Variants in AGL observed in about 807,000 individuals in gnomAD.
AGL encodes the protein glycogen debranching enzyme.
Under a neutral mutation model 199.3 loss-of-function variants are expected in AGL, and 128 were observed. The ratio of observed to expected loss-of-function variants is 0.64; its 90% confidence interval spans 0.56 to 0.74. The LOEUF is 0.74. Ranked by LOEUF, AGL falls within the 30% of genes least tolerant of loss-of-function variation. AGL has a pLI of 0.00. For synonymous variants in AGL, 584 were observed against 594.7 expected (o/e 0.98, Z 0.26); for missense variants, 1,809 against 1,820.8 (o/e 0.99, Z 0.12).
intron 28 of AGL, among the ~76,000 whole-genome samples, chr1:99,911,427 G>C (rs1297307542): frequency 6.6e-6 from 1 of 152,032 alleles, no homozygotes; most frequent in Non-Finnish European, 1.5e-5. Flanking sequence ...ATTAAGCTGA[G>C]AAGTTATTTT....
At chr1:99,854,775 AAAAG>A (rs1571212636) in intron 2 of AGL, among the ~76,000 whole-genome samples, 1 of 152,086 alleles carries the variant, frequency 6.6e-6, no homozygotes, top group East Asian at 1.9e-4. Flanking sequence ...AAAAAAAAAA[AAAAG>A]ATAATTTGAA....
intron 2 of AGL, among the ~76,000 whole-genome samples, chr1:99,854,500 C>T (rs920708932): frequency 5.3e-5 from 8 of 152,122 alleles, no homozygotes; most frequent in East Asian, 1.9e-4. Flanking sequence ...CGGTGGCTCA[C>T]GCCTGTAATC....
chr1:99,858,897 A>G (rs1161550866), intron 2 of AGL, among the ~76,000 whole-genome samples: 1 of 151,878 alleles, frequency 6.6e-6, no homozygotes, highest in Admixed American at 6.6e-5. Context: ...AATTTACATA[A>G]TCTATGAGAA....
intron 25 of AGL, among the ~76,000 whole-genome samples, chr1:99,897,753 A>C (rs970416663): frequency 3.3e-5 from 5 of 152,208 alleles, no homozygotes; most frequent in African/African-American, 1.2e-4. Context: ...TCCTGGTTCC[A>C]AACTACCAAC....
chr1:99,875,407 A>C lies in AGL; in HGVS notation c.1235A>C (p.His412Pro). The C allele has an allele frequency of 6.2e-7, 1 of 1,614,168 alleles. No homozygotes were observed. Among genetic ancestry groups the C allele is most frequent in the Non-Finnish European group, 8.5e-7 (1 of 1,180,010 alleles). The change falls in exon 10 of 34, where the codon CAT (histidine) becomes CCT (proline). Residue 412 changes from histidine (H) to proline (P), a missense_variant. Physicochemically the swap from His to Pro is moderately conservative, Grantham distance 77. Transcript: ENST00000361915. ...GNVFYERLAG[H>P]GPKLGPVTRK... ...GTGTTTTATGAACGACTGGCTGGCC[A>C]TGGTCCAAAACTAGGACCTGTCACT...
chr1:99,904,407 C>T (rs1040480445), intron 27 of AGL, among the ~76,000 whole-genome samples: 1 of 152,088 alleles, frequency 6.6e-6, no homozygotes, highest in Admixed American at 6.5e-5. Context: ...AACTCTTCAC[C>T]CAGTACAGCA....
chr1:99,918,202 G>A (rs1570521101), intron 33 of AGL, among the ~76,000 whole-genome samples: 1 of 152,024 alleles, frequency 6.6e-6, no homozygotes. Flanking sequence ...ATACTTTAAG[G>A]TGGTTACATT....
Position 99,918,133 on chromosome 1 carries a change from T to G in AGL, c.4481+1402T>G, listed in dbSNP as rs867243034. 3.9e-4 allele frequency among the ~76,000 whole-genome samples: 59 copies of G among 152,324 alleles called. 1 individual carries two copies. Among genetic ancestry groups the G allele is most frequent in the Middle Eastern group, 3.4e-3 (1 of 294 alleles). On this transcript the variant is annotated intron_variant, in intron 33 of 33. Coordinates refer to ENST00000361915, the MANE Select transcript of AGL (RefSeq NM_000642.3). ...AAGTGTAAAACATCTGTGTTTTGCC[T>G]TTATTTTAAAGATATTTTCACTATG... is the stretch of plus-strand genomic sequence containing the variant.
chr1:99,852,556 T>G, intron 2 of AGL: 1 of 588,776 alleles, frequency 1.7e-6, no homozygotes, highest in East Asian at 2.9e-5. Flanking sequence ...TTTTTTTTTT[T>G]GTAGAAACTG....
At chr1:99,881,024 A>G in intron 14 of AGL, 52 bp from the exon 15 acceptor site, 1 of 1,434,674 alleles carries the variant, frequency 7.0e-7, no homozygotes, top group Non-Finnish European at 9.8e-7. Context: ...ATAGAATAGC[A>G]CTTTGCATTT....
intron 31 of AGL, 107 bp from the exon 32 acceptor site, chr1:99,916,302 AC>A: frequency 1.1e-6 from 1 of 885,092 alleles, no homozygotes. Flanking sequence ...TCTGTAGAAG[AC>A]AAAATAATTG....
At chr1:99,868,985 C>T (rs1355318859) in intron 5 of AGL, among the ~76,000 whole-genome samples, 2 of 152,028 alleles carry the variant, frequency 1.3e-5, no homozygotes, top group Non-Finnish European at 2.9e-5. Context: ...CCACCATGCT[C>T]AGCTAATTTT....
intron 20 of AGL, among the ~76,000 whole-genome samples, chr1:99,886,216 C>G (rs998692657): frequency 6.6e-6 from 1 of 152,170 alleles, no homozygotes; most frequent in African/African-American, 2.4e-5. Flanking sequence ...TGGCTCACTC[C>G]TATAATCTCA....
At chr1:99,898,690 C>T (rs1653536866) in intron 25 of AGL, among the ~76,000 whole-genome samples, 1 of 152,152 alleles carries the variant, frequency 6.6e-6, no homozygotes, top group African/African-American at 2.4e-5. Context: ...GAGGATCTGT[C>T]AGTTTCCATG....
intron 5 of AGL, among the ~76,000 whole-genome samples, chr1:99,866,895 C>T (rs968813729): frequency 2.0e-5 from 3 of 151,742 alleles, no homozygotes; most frequent in South Asian, 2.1e-4. Context: ...CTCGGCTCAC[C>T]GCAACCTCCA....
At chr1:99,871,980 G>A (rs1041434272) in intron 7 of AGL, among the ~76,000 whole-genome samples, 2 of 151,472 alleles carry the variant, frequency 1.3e-5, no homozygotes, top group Non-Finnish European at 2.9e-5. Flanking sequence ...TATATGGTAA[G>A]TACATAAATT....
chr1:99,888,102 C>A lies in AGL; in HGVS notation c.2806C>A (p.Leu936Ile). 3 of 1,613,024 alleles carry A rather than the reference C, an allele frequency of 1.9e-6. No homozygotes were observed. The highest frequency in any genetic ancestry group is 2.2e-5 in the East Asian group (1 of 44,794). Reference sequence around the variant, plus strand: ...CTGGTCAGCCCTTAAATATGCAGGTCTTCAAGGTAAGCAAATGGAAGGATA... The same window carrying A: ...CTGGTCAGCCCTTAAATATGCAGGTATTCAAGGTAAGCAAATGGAAGGATA... ...PNWSALKYAG[L>I]QGLMSVLAEI... The change falls in exon 21 of 34, where the codon CTT (leucine) becomes ATT (isoleucine). Residue 936 changes from leucine to isoleucine, a missense_variant. By Grantham distance (5) the Leu-to-Ile change is conservative (BLOSUM62 2). Coordinates refer to ENST00000361915, the MANE Select transcript of AGL (RefSeq NM_000642.3).
chr1:99,872,294 A>G (rs1314975377), intron 7 of AGL, among the ~76,000 whole-genome samples: 1 of 152,294 alleles, frequency 6.6e-6, no homozygotes, highest in East Asian at 1.9e-4. Flanking sequence ...CAGTCTCATA[A>G]GCTGTACTGC....
In AGL at chr1:99,913,733, G is replaced by A; in HGVS notation, c.4156G>A (p.Val1386Ile). The A allele has an allele frequency of 6.2e-7, 1 of 1,613,692 alleles. No homozygotes were observed. Among genetic ancestry groups the A allele is most frequent in the Non-Finnish European group, 8.5e-7 (1 of 1,179,600 alleles). ...CAGGCCTAATTTTACCATAGCAATGGTTGTGGTAGGTGATTCGTTTGTAAA... is the reference window on the plus strand; with the variant it reads ...CAGGCCTAATTTTACCATAGCAATGATTGTGGTAGGTGATTCGTTTGTAAA... ...QLRPNFTIAMVVAPELFTTEK... is the reference protein window; with the variant it reads ...QLRPNFTIAMIVAPELFTTEK... Residue 1386 changes from valine (V) to isoleucine (I), a missense_variant, in exon 30 of 34, where the codon GTT becomes ATT. Transcript: ENST00000361915.
Sources: gnomAD v4.1 joint callset for allele counts (sites outside exome capture counted in the v4.1 genomes callset) on GRCh38, gnomAD v4.1.1 for gene constraint, MANE v1.5 for transcripts, NCBI Gene and HGNC (gene_info 2026-07-23, HGNC 2026-07-21) for gene names.